Variants in PTK2 observed in about 807,000 individuals in gnomAD.
PTK2 encodes the protein focal adhesion kinase 1.
PTK2 carries 45 observed loss-of-function variants against 150.1 expected under a neutral mutation model. The observed-to-expected ratio is 0.30, with a 90% CI of 0.24 to 0.38. The LOEUF is 0.38. Ranked by LOEUF, PTK2 falls within the 10% of genes least tolerant of loss-of-function variation. The pLI is 1.00. For synonymous variants in PTK2, 432 were observed against 449.2 expected (o/e 0.96, Z 0.48); for missense variants, 919 against 1,307.3 (o/e 0.70, Z 4.58).
chr8:140,676,413 A>AATAAAT (rs1554666252), intron 27 of PTK2, among the ~76,000 whole-genome samples: 24 of 99,454 alleles, frequency 2.4e-4, no homozygotes, highest in African/African-American at 9.4e-4. Context: ...TTAATTAATT[A>AATAAAT]ATATATATAT....
At chr8:140,716,016 T>C (rs77715866) in intron 23 of PTK2, among the ~76,000 whole-genome samples, 2,367 of 152,306 alleles carry the variant, frequency 0.016, 62 homozygotes, top group African/African-American at 0.053. Context: ...TGGTGCTCAT[T>C]ACCAAATACT....
intron 1 of PTK2, among the ~76,000 whole-genome samples, chr8:140,956,830 T>G (rs55778432): frequency 0.44 from 67,126 of 152,036 alleles, 15,220 homozygotes; most frequent in Admixed American, 0.55. Flanking sequence ...TTTGGGAGGC[T>G]GTGGGTGGAT....
At chr8:140,699,078 TAAC>T (rs981614340) in intron 26 of PTK2, among the ~76,000 whole-genome samples, 20 of 151,966 alleles carry the variant, frequency 1.3e-4, no homozygotes, top group African/African-American at 4.4e-4. Context: ...AGGCCAAAAA[TAAC>T]AATTTTTTTT....
At chr8:140,921,166 A>G (rs2100167261) in intron 2 of PTK2, 4 of 1,185,052 alleles carry the variant, frequency 3.4e-6, no homozygotes, top group South Asian at 7.6e-5. Context: ...AGATCAAGCT[A>G]CTGAACAGAA....
At chr8:140,929,245 G>A (rs542516909) in intron 1 of PTK2, among the ~76,000 whole-genome samples, 39 of 151,984 alleles carry the variant, frequency 2.6e-4, no homozygotes, top group South Asian at 6.2e-4. Context: ...GATTACAGGC[G>A]TGAGCCACCG....
chr8:140,864,755 G>A (rs2100138286), intron 4 of PTK2, among the ~76,000 whole-genome samples: 1 of 152,154 alleles, frequency 6.6e-6, no homozygotes, highest in Non-Finnish European at 1.5e-5. Context: ...GAACTGCACA[G>A]TATGTACTCT....
chr8:140,822,192 T>C (rs1259119178), intron 8 of PTK2: 1 of 152,242 alleles, frequency 6.6e-6, no homozygotes, highest in Non-Finnish European at 1.5e-5. Context: ...AAGGAAATTC[T>C]ACTCTGTGCT....
At chr8:140,898,440 A>G (rs2100157184) in intron 2 of PTK2, among the ~76,000 whole-genome samples, 1 of 152,228 alleles carries the variant, frequency 6.6e-6, no homozygotes, top group African/African-American at 2.4e-5. Flanking sequence ...TGGAATGTCA[A>G]TAATTGCTGC....
At chr8:140,724,128 C>T (rs2100044469) in intron 22 of PTK2, among the ~76,000 whole-genome samples, 1 of 152,172 alleles carries the variant, frequency 6.6e-6, no homozygotes, top group Non-Finnish European at 1.5e-5. Flanking sequence ...GAAGAAGCAA[C>T]AGATAGATAA....
intron 14 of PTK2, among the ~76,000 whole-genome samples, chr8:140,780,788 G>A (rs2100081217): frequency 6.6e-6 from 1 of 152,168 alleles, no homozygotes; most frequent in Admixed American, 6.5e-5. Flanking sequence ...GGTGAAATAT[G>A]CCTTCGATTT....
At chr8:140,868,572 T>C (rs1206328253) in intron 4 of PTK2, among the ~76,000 whole-genome samples, 1 of 152,194 alleles carries the variant, frequency 6.6e-6, no homozygotes, top group Non-Finnish European at 1.5e-5. Context: ...CTTAACCAAA[T>C]GATCCAAGTT....
chr8:140,964,160 T>C (rs2100184378), intron 1 of PTK2, among the ~76,000 whole-genome samples: 1 of 152,150 alleles, frequency 6.6e-6, no homozygotes, highest in Non-Finnish European at 1.5e-5. Context: ...CTAAGACTGA[T>C]GTGGATGCAC....
At chr8:140,902,924 G>GTTTTTTTTTTTTTT (rs61261890) in intron 2 of PTK2, among the ~76,000 whole-genome samples, 7 of 58,964 alleles carry the variant, frequency 1.2e-4, no homozygotes, top group East Asian at 3.9e-4. Context: ...GATGAGAGTT[G>GTTTTTTTTTTTTTT]TTTTTTTTTT....
At chr8:140,742,459 T>C (rs1565457544) in intron 20 of PTK2, among the ~76,000 whole-genome samples, 1 of 152,238 alleles carries the variant, frequency 6.6e-6, no homozygotes, top group Non-Finnish European at 1.5e-5. Flanking sequence ...TGCCAAACTT[T>C]CTTCCAGAAT....
chr8:140,963,490 T>C (rs2100184130), intron 1 of PTK2, among the ~76,000 whole-genome samples: 1 of 152,200 alleles, frequency 6.6e-6, no homozygotes, highest in Non-Finnish European at 1.5e-5. Context: ...TCCAATTCTA[T>C]GGCCATCCAT....
At chr8:140,752,857 AAC>A (rs2100063577) in intron 16 of PTK2, among the ~76,000 whole-genome samples, 2 of 152,166 alleles carry the variant, frequency 1.3e-5, no homozygotes, top group African/African-American at 4.8e-5. Flanking sequence ...AACAGCAGGG[AAC>A]AGTGTATAGC....
chr8:140,666,918 G>A lies in PTK2; in HGVS notation c.2865+1351C>T, dbSNP rs1027910430. Among the ~76,000 whole-genome samples the A allele has an allele frequency of 3.3e-5, 5 of 152,218 alleles. No individual in the cohort carries two copies. In the East Asian group the frequency reaches 9.6e-4, roughly 29 times the overall value. ...AAACAAAATGTGGTGTGAACATACA[G>A]TGGAATATCACTCTGCCCTAAAAAG... On this transcript the variant is annotated intron_variant, in intron 30 of 31. Transcript: ENST00000522684.
At chr8:140,913,202 C>T (rs1197028671) in intron 2 of PTK2, among the ~76,000 whole-genome samples, 1 of 152,082 alleles carries the variant, frequency 6.6e-6, no homozygotes, top group East Asian at 1.9e-4. Context: ...ATACTCAGAT[C>T]ACCAGAACTA....
At chr8:140,975,585 T>C (rs777930951) in intron 1 of PTK2, among the ~76,000 whole-genome samples, 7 of 152,062 alleles carry the variant, frequency 4.6e-5, no homozygotes, top group Non-Finnish European at 8.8e-5. Context: ...ATTTTTACAT[T>C]ATTAAAGCGT....
Sources: allele counts gnomAD v4.1 joint callset (sites outside exome capture counted in the v4.1 genomes callset), GRCh38; gene constraint gnomAD v4.1.1; transcripts MANE v1.5; gene names NCBI Gene and HGNC (gene_info 2026-07-23, HGNC 2026-07-21).